Variants in GANC observed in about 807,000 individuals in gnomAD.
GANC encodes the protein neutral alpha-glucosidase C.
GANC carries 117 observed loss-of-function variants against 124.2 expected under a neutral mutation model. The observed-to-expected ratio is 0.94, with a 90% CI of 0.81 to 1.10. The LOEUF (loss-of-function observed/expected upper bound fraction) is 1.10, where lower values mean the gene tolerates loss of function less well. Ranked by LOEUF, GANC falls within the 50% of genes least tolerant of loss-of-function variation. GANC has a pLI of 0.00. For missense variants in GANC, 1,140 were observed against 1,095.0 expected (o/e 1.04, Z -0.58); for synonymous variants, 377 against 376.8 (o/e 1.00, Z -0.01).
intron 19 of GANC, 34 bp from the exon 20 acceptor site, chr15:42,345,724 G>A (rs371441777): frequency 1.4e-4 from 184 of 1,348,210 alleles, no homozygotes; most frequent in African/African-American, 3.3e-4. Context: ...AGTTGCTTAT[G>A]TACTCTTTTT....
intron 11 of GANC, among the ~76,000 whole-genome samples, chr15:42,323,564 G>A (rs1432153543): frequency 6.6e-6 from 1 of 151,860 alleles, no homozygotes; most frequent in Admixed American, 6.6e-5. Context: ...GTGCTATGGT[G>A]CGATCTCAGC....
At chr15:42,287,508 T>A (rs1471613724) in intron 3 of GANC, among the ~76,000 whole-genome samples, 183 bp from the exon 4 acceptor site, 1 of 152,214 alleles carries the variant, frequency 6.6e-6, no homozygotes, top group Non-Finnish European at 1.5e-5. Flanking sequence ...TTGTTGCTGC[T>A]GTAGCTATAG....
At chr15:42,310,902 G>A (rs2052044677) in intron 10 of GANC, 56 bp downstream of exon 10, 8 of 1,552,366 alleles carry the variant, frequency 5.2e-6, no homozygotes, top group Non-Finnish European at 7.1e-6. Context: ...AATGTCCCAT[G>A]TGTCATCACG....
intron 3 of GANC, chr15:42,283,801 T>C (rs1449476404): frequency 5.7e-6 from 4 of 702,514 alleles, no homozygotes; most frequent in Non-Finnish European, 1.0e-5. Context: ...GTACTGTGTC[T>C]GCAGAAATGG....
chr15:42,325,879 C>T (rs1345496083), intron 11 of GANC, among the ~76,000 whole-genome samples: 1 of 152,190 alleles, frequency 6.6e-6, no homozygotes, highest in Non-Finnish European at 1.5e-5. Context: ...GCCTCAGCCT[C>T]CTGAGTAGCT....
chr15:42,348,217 G>A lies in GANC; in HGVS notation c.2418+1G>A. The A allele has an allele frequency of 6.3e-7, 1 of 1,582,012 alleles. No individual in the cohort carries two copies. The highest frequency in any genetic ancestry group is 8.7e-7 in the Non-Finnish European group (1 of 1,152,584). On this transcript the variant is annotated splice_donor_variant, in intron 21 of 23. Coordinates refer to ENST00000318010, the MANE Select transcript of GANC (RefSeq NM_198141.3). LOFTEE classifies it high-confidence loss of function. ...ACTCCGGGTTGCTCTAAGCACTAAG[G>A]TATTTGGTAAATCTGTTACTCATTT... is the stretch of plus-strand genomic sequence containing the variant.
chr15:42,314,471 T>C (rs926955432), intron 10 of GANC: 4 of 307,478 alleles, frequency 1.3e-5, no homozygotes, highest in Non-Finnish European at 2.5e-5. Flanking sequence ...GGAGCTGTTA[T>C]GGTCCTTGGG....
In GANC at chr15:42,308,276, G is replaced by A; in HGVS notation, c.680G>A (p.Gly227Glu). Residue 227 changes from glycine to glutamate, a missense_variant, in exon 8 of 24, where the codon GGG becomes GAG. Physicochemically the swap from Gly to Glu is moderately conservative, Grantham distance 98. Transcript: ENST00000318010. Reference protein sequence around the residue: ...FSLHGFEHLYGIPQHAESHQL... With the variant: ...FSLHGFEHLYEIPQHAESHQL... ...TTGCATGGATTTGAGCATCTTTATGGGATCCCACAACATGCAGAATCACAC... is the reference window on the plus strand; with the variant it reads ...TTGCATGGATTTGAGCATCTTTATGAGATCCCACAACATGCAGAATCACAC... 6.2e-7 allele frequency: 1 copy of A among 1,609,392 alleles called. No homozygotes were observed. The highest frequency in any genetic ancestry group is 8.5e-7 in the Non-Finnish European group (1 of 1,176,530).
chr15:42,320,193 T>G (rs146532509), intron 10 of GANC, among the ~76,000 whole-genome samples: 19 of 50,186 alleles, frequency 3.8e-4, no homozygotes, highest in Non-Finnish European at 9.7e-4. Context: ...AAAAATAAAT[T>G]AATTAATTAA....
chr15:42,281,078 C>T (rs777414953), intron 3 of GANC: 3 of 702,482 alleles, frequency 4.3e-6, no homozygotes, highest in Admixed American at 4.0e-5. Flanking sequence ...ACATCAGCAA[C>T]GTAGCTCCCA....
intron 10 of GANC, among the ~76,000 whole-genome samples, chr15:42,315,539 A>G (rs560595728): frequency 7.2e-5 from 11 of 152,356 alleles, no homozygotes; most frequent in African/African-American, 2.6e-4. Flanking sequence ...TGCTGGTGGA[A>G]ATGTAAAATG....
intron 21 of GANC, among the ~76,000 whole-genome samples, chr15:42,348,591 C>T (rs1396534164): frequency 2.6e-5 from 4 of 152,156 alleles, no homozygotes; most frequent in Non-Finnish European, 5.9e-5. Context: ...GATCCCAGTC[C>T]CAACCAGTGA....
rs1295831959 is a variant in GANC, at chr15:42,310,361, A to G, written c.801A>G (p.Ser267=). Residue 267 remains serine (S), a synonymous_variant, in exon 9 of 24, where the codon TCA becomes TCG. Transcript: ENST00000318010. ...ATGATAAAATGGGCATTTATGGTTC[A>G]GTACCTTATCTCCTGGCCCACAAAC... ...QIYDKMGIYG[S]VPYLLAHKLG... 4.3e-6 allele frequency: 7 copies of G among 1,613,886 alleles called. No homozygotes were observed. The highest frequency in any genetic ancestry group is 5.9e-6 in the Non-Finnish European group (7 of 1,179,896).
At chr15:42,297,111 C>T (rs561410927) in intron 5 of GANC, among the ~76,000 whole-genome samples, 1 of 152,056 alleles carries the variant, frequency 6.6e-6, no homozygotes, top group Non-Finnish European at 1.5e-5. Context: ...GTGCTGTGTT[C>T]TGGGAGTGAG....
Position 42,352,161 on chromosome 15 carries a change from G to A in GANC, c.*22G>A. 6.2e-7 allele frequency: 1 copy of A among 1,614,026 alleles called. No individual in the cohort carries two copies. The highest frequency in any genetic ancestry group is 8.5e-7 in the Non-Finnish European group (1 of 1,179,952). The stretch of plus-strand genomic sequence containing the variant: ...ATGACAAAGAACTGCCCCTGGTGAT[G>A]TGAGCAGGGACCTGCCTGCCCCTTT... On this transcript the variant is annotated 3_prime_UTR_variant, in exon 24 of 24. Coordinates refer to ENST00000318010, the MANE Select transcript of GANC (RefSeq NM_198141.3).
Position 42,289,317 on chromosome 15 carries a change from C to G in GANC, c.329+1499C>G, listed in dbSNP as rs115849676. Reference sequence around the variant, plus strand: ...TTAGTTAAGGCCATGATTTACTCATCTCTGAATCATAGCTAAGGTGGCATG... The same window carrying G: ...TTAGTTAAGGCCATGATTTACTCATGTCTGAATCATAGCTAAGGTGGCATG... On this transcript the variant is annotated intron_variant, in intron 4 of 23. Transcript: ENST00000318010. Among the ~76,000 whole-genome samples the G allele has an allele frequency of 6.1e-3, 922 of 152,306 alleles. 9 individuals are homozygous for G. Among genetic ancestry groups the G allele is most frequent in the African/African-American group, 0.021 (883 of 41,546 alleles).
intron 5 of GANC, 81 bp downstream of exon 5, chr15:42,292,998 A>G: frequency 7.5e-7 from 1 of 1,328,878 alleles, no homozygotes; most frequent in Non-Finnish European, 1.0e-6. Context: ...TAGATAACAT[A>G]GCACCATAGA....
intron 21 of GANC, 92 bp from the exon 22 acceptor site, chr15:42,349,291 T>A: frequency 1.2e-6 from 1 of 806,344 alleles, no homozygotes; most frequent in Non-Finnish European, 2.1e-6. Flanking sequence ...TTTCACAAAC[T>A]TTTTACTCTG....
intron 3 of GANC, among the ~76,000 whole-genome samples, chr15:42,281,478 G>A (rs2051733617): frequency 6.6e-6 from 1 of 152,086 alleles, no homozygotes; most frequent in Admixed American, 6.5e-5. Context: ...GAGGCCAGGA[G>A]TTTGAGACCA....
Sources: allele counts gnomAD v4.1 joint callset (sites outside exome capture counted in the v4.1 genomes callset), GRCh38; gene constraint gnomAD v4.1.1; transcripts MANE v1.5; gene names NCBI Gene and HGNC (gene_info 2026-07-23, HGNC 2026-07-21).